Variants in AUTS2 observed in about 807,000 individuals in gnomAD.
AUTS2 encodes the protein autism susceptibility gene 2 protein.
AUTS2 carries 17 observed loss-of-function variants against 112.4 expected under a neutral mutation model. The observed-to-expected ratio is 0.15, with a 90% CI of 0.10 to 0.23. The LOEUF is 0.23. Ranked by LOEUF, AUTS2 falls within the 10% of genes least tolerant of loss-of-function variation. AUTS2 has a pLI of 1.00. For synonymous variants in AUTS2, 751 were observed against 702.7 expected (o/e 1.07, Z -1.09); for missense variants, 1,510 against 1,701.6 (o/e 0.89, Z 1.98).
chr7:70,673,776 T>C (rs550281520), intron 5 of AUTS2, among the ~76,000 whole-genome samples: 1 of 152,320 alleles, frequency 6.6e-6, no homozygotes, highest in East Asian at 1.9e-4. Context: ...TGGTGCCAAG[T>C]ATTCTGTGTT....
intron 5 of AUTS2, among the ~76,000 whole-genome samples, chr7:70,506,912 T>C (rs1798987109): frequency 6.6e-6 from 1 of 152,218 alleles, no homozygotes; most frequent in African/African-American, 2.4e-5. Context: ...TGGAGGCTCA[T>C]CTGGGGTCCA....
intron 1 of AUTS2, among the ~76,000 whole-genome samples, chr7:69,709,156 A>G (rs1481721678): frequency 6.6e-6 from 1 of 152,192 alleles, no homozygotes; most frequent in East Asian, 1.9e-4. Context: ...GGTTTAGACT[A>G]CCTTGGAAGA....
At chr7:69,658,705 C>A (rs1370882944) in intron 1 of AUTS2, among the ~76,000 whole-genome samples, 1 of 152,176 alleles carries the variant, frequency 6.6e-6, no homozygotes, top group African/African-American at 2.4e-5. Context: ...TGGAGATATT[C>A]ATGAGCAAAC....
chr7:69,887,189 G>C (rs1009078737), intron 1 of AUTS2, among the ~76,000 whole-genome samples: 2 of 152,082 alleles, frequency 1.3e-5, no homozygotes, highest in African/African-American at 2.4e-5. Flanking sequence ...CGAGGCGGGT[G>C]GGTCACTTGA....
intron 5 of AUTS2, among the ~76,000 whole-genome samples, chr7:70,500,371 C>T (rs183341562): frequency 6.6e-6 from 1 of 151,996 alleles, no homozygotes; most frequent in Non-Finnish European, 1.5e-5. Context: ...AAAAGGAATG[C>T]AGAAGGAAAG....
At chr7:70,558,044 A>C (rs893066132) in intron 5 of AUTS2, among the ~76,000 whole-genome samples, 9 of 152,050 alleles carry the variant, frequency 5.9e-5, no homozygotes, top group Non-Finnish European at 1.3e-4. Context: ...TTCACTCTTC[A>C]CTGCTTTCTG....
intron 4 of AUTS2, among the ~76,000 whole-genome samples, chr7:70,351,345 C>T (rs1179631196): frequency 6.6e-6 from 1 of 152,156 alleles, no homozygotes; most frequent in Non-Finnish European, 1.5e-5. Context: ...TGAGGCACCG[C>T]GCCCAGCCGA....
rs571588255 is a variant in AUTS2 at position 70,766,433 on chromosome 7, G to A, written c.1689+99G>A. On this transcript the variant is annotated intron_variant, in intron 9 of 18. Transcript: ENST00000342771. This position sits in a 1 kb window ranked among gnomAD's most constrained non-coding sequence, Gnocchi z 4.8. ...CTGGGCAGCGGGGCCACCAGAGATC[G>A]AATGGGGACTGACGGCTGTTGGCTG... 4.4e-5 allele frequency: 63 copies of A among 1,421,952 alleles called. No individual in the cohort carries two copies. The African/African-American group carries it at 6.4e-4, about 14-fold the overall frequency. The allele number at this position is 1,421,952 out of a possible 1,614,324, so 88.1% of individuals were successfully genotyped here.
chr7:70,632,944 G>A (rs978267832), intron 5 of AUTS2, among the ~76,000 whole-genome samples: 1 of 151,846 alleles, frequency 6.6e-6, no homozygotes, highest in Non-Finnish European at 1.5e-5. Flanking sequence ...CTCCATATTT[G>A]TACAAAAAGA....
At chr7:70,457,993 A>G (rs754617150) in intron 5 of AUTS2, among the ~76,000 whole-genome samples, 2 of 152,058 alleles carry the variant, frequency 1.3e-5, no homozygotes, top group African/African-American at 2.4e-5. Flanking sequence ...CCCATTTCCA[A>G]GAGAGTGAGA....
chr7:70,306,993 A>C (rs1371619933), intron 4 of AUTS2, among the ~76,000 whole-genome samples: 1 of 152,164 alleles, frequency 6.6e-6, no homozygotes, highest in African/African-American at 2.4e-5. Flanking sequence ...AAAATGGGTA[A>C]AAATTCTTAG....
chr7:70,648,245 C>T (rs947937627), intron 5 of AUTS2, among the ~76,000 whole-genome samples: 1 of 152,162 alleles, frequency 6.6e-6, no homozygotes, highest in Non-Finnish European at 1.5e-5. Context: ...CTCCGCCCCC[C>T]TCCACCACCA....
chr7:70,664,470 C>A (rs1238017300), intron 5 of AUTS2, among the ~76,000 whole-genome samples: 1 of 152,172 alleles, frequency 6.6e-6, no homozygotes. Context: ...GTCAAACATG[C>A]CCATTAGCTT....
At chr7:70,137,462 C>CTT (rs199730033) in intron 4 of AUTS2, among the ~76,000 whole-genome samples, 10 of 131,672 alleles carry the variant, frequency 7.6e-5, no homozygotes, top group South Asian at 4.8e-4. Context: ...GTAGGATTTT[C>CTT]TTTTTTTTTT....
intron 5 of AUTS2, among the ~76,000 whole-genome samples, chr7:70,581,559 T>A (rs1802445455): frequency 6.6e-6 from 1 of 152,126 alleles, no homozygotes; most frequent in South Asian, 2.1e-4. Context: ...AAAAAAAATG[T>A]TGAGATTCAT....
Position 70,774,207 on chromosome 7 carries a change from T to C in AUTS2, c.1902+108T>C, listed in dbSNP as rs958177598. 22 of 977,664 alleles carry C rather than the reference T, an allele frequency of 2.3e-5. No homozygotes were observed. The East Asian group carries it at 3.7e-4, about 17-fold the overall frequency. 60.6% of individuals were successfully genotyped at this position (977,664 alleles called of 1,614,324 possible). ...TCCTTAGCTCCTTTGAGCGAGCTGCTGTTTCAGCTGTTCTTCTAGTTTGTG... is the reference window on the plus strand; with the variant it reads ...TCCTTAGCTCCTTTGAGCGAGCTGCCGTTTCAGCTGTTCTTCTAGTTTGTG... On this transcript the variant is annotated intron_variant, in intron 12 of 18. Coordinates refer to ENST00000342771, the MANE Select transcript of AUTS2 (RefSeq NM_015570.4).
chr7:69,732,017 C>T (rs531627491), intron 1 of AUTS2, among the ~76,000 whole-genome samples: 7 of 150,914 alleles, frequency 4.6e-5, no homozygotes, highest in Middle Eastern at 3.4e-3. Flanking sequence ...TTTTTTTTTC[C>T]GCCATGCCTC....
At chr7:69,631,010 A>G (rs1427853942) in intron 1 of AUTS2, among the ~76,000 whole-genome samples, 1 of 151,956 alleles carries the variant, frequency 6.6e-6, no homozygotes, top group African/African-American at 2.4e-5. Flanking sequence ...TTGATTACCT[A>G]TAGGGCATTG....
At chr7:70,502,592 G>A (rs1798810847) in intron 5 of AUTS2, among the ~76,000 whole-genome samples, 1 of 152,142 alleles carries the variant, frequency 6.6e-6, no homozygotes, top group Non-Finnish European at 1.5e-5. Flanking sequence ...GTCCCCTGCA[G>A]AAAAGTAGCA....
Sources: allele counts gnomAD v4.1 joint callset (sites outside exome capture counted in the v4.1 genomes callset), GRCh38; gene constraint gnomAD v4.1.1; non-coding constraint Gnocchi (gnomAD v3.1); transcripts MANE v1.5; gene names NCBI Gene and HGNC (gene_info 2026-07-23, HGNC 2026-07-21).